Variants in TTC7B observed in about 807,000 individuals in gnomAD.
TTC7B encodes tetratricopeptide repeat domain 7B, also known as tetratricopeptide repeat protein 7B.
In TTC7B, 28 loss-of-function variants were observed where a neutral mutation model predicts 106.8. The ratio of observed to expected loss-of-function variants is 0.26; its 90% CI spans 0.19 to 0.36. TTC7B has a LOEUF of 0.36. TTC7B is among the 10% of genes least tolerant of loss of function. TTC7B has a pLI of 1.00. For missense variants in TTC7B, 862 were observed against 1,076.4 expected (o/e 0.80, Z 2.79); for synonymous variants, 405 against 430.6 (o/e 0.94, Z 0.74).
intron 3 of TTC7B, among the ~76,000 whole-genome samples, chr14:90,771,994 AAT>A (rs968159465): frequency 8.9e-5 from 13 of 146,178 alleles, no homozygotes; most frequent in South Asian, 4.2e-4. Context: ...ATATATTTAT[AAT>A]ATATATATTA....
rs920775336 is a variant in TTC7B at position 90,663,711 on chromosome 14, T to G, written c.1153-5324A>C. On this transcript the variant is annotated intron_variant, in intron 9 of 19. Coordinates refer to ENST00000328459, the MANE Select transcript of TTC7B (RefSeq NM_001010854.2). The surrounding 1 kb of genome is among the most constrained non-coding windows in gnomAD (Gnocchi z 4.5). The stretch of plus-strand genomic sequence containing the variant: ...TTTCTCATAATGATAACAACCCACC[T>G]CCCCTAACAAGCCATGAGGGTGTCC... 2.0e-5 allele frequency among the ~76,000 whole-genome samples: 3 copies of G among 151,896 alleles called. No homozygotes were observed. The highest frequency in any genetic ancestry group is 7.3e-5 in the African/African-American group (3 of 41,310).
At chr14:90,733,465 G>C (rs1427752001) in intron 4 of TTC7B, among the ~76,000 whole-genome samples, 2 of 152,238 alleles carry the variant, frequency 1.3e-5, no homozygotes, top group Admixed American at 1.3e-4. Context: ...AAAGACGCAA[G>C]AGAAGCCTTG....
chr14:90,652,911 T>C lies in TTC7B; in HGVS notation c.1460-13A>G, dbSNP rs770679531. 6.2e-7 allele frequency: 1 copy of C among 1,613,948 alleles called. No individual in the cohort carries two copies. The highest frequency in any genetic ancestry group is 8.5e-7 in the Non-Finnish European group (1 of 1,179,950). On this transcript the variant is annotated splice_polypyrimidine_tract_variant and intron_variant, in intron 12 of 19. Coordinates refer to ENST00000328459, the MANE Select transcript of TTC7B (RefSeq NM_001010854.2). ...CCTCGCAAAGAAGCTAAGAAAAGGG[T>C]TCAATTAGTCAGTGGCATGGGGGAT...
At chr14:90,806,984 C>T (rs569757480) in intron 1 of TTC7B, among the ~76,000 whole-genome samples, 5 of 152,234 alleles carry the variant, frequency 3.3e-5, no homozygotes, top group South Asian at 4.1e-4. Flanking sequence ...GTGACAGAAC[C>T]GAGATCTGAA....
rs150870455 is a variant in TTC7B, at chr14:90,657,736, C to T, written c.1237-458G>A. The T allele has an allele frequency of 7.6e-3, 1,401 of 183,710 alleles. 47 individuals are homozygous for T. Among genetic ancestry groups the T allele is most frequent in the Admixed American group, 0.068 (1,259 of 18,578 alleles). 11.4% of individuals were successfully genotyped at this position (183,710 alleles called of 1,614,324 possible). On this transcript the variant is annotated intron_variant, in intron 10 of 19. Coordinates refer to ENST00000328459, the MANE Select transcript of TTC7B (RefSeq NM_001010854.2). The surrounding 1 kb of genome is among the most constrained non-coding windows in gnomAD (Gnocchi z 4.2). Reference sequence around the variant, plus strand: ...TGTTGAGTGTATACACAGCAAGGAGCGTGCCTCTAAACACCTCTGGTGTAG... The same window carrying T: ...TGTTGAGTGTATACACAGCAAGGAGTGTGCCTCTAAACACCTCTGGTGTAG...
In TTC7B at chr14:90,612,727, T is replaced by C. The variant is rs78506432; in HGVS notation, c.1869-1888A>G. Reference sequence around the variant, plus strand: ...TGAGGATGACATAAGGTCACATAGATGGAGCACTCTGAAGACTTACAACTT... The same window carrying C: ...TGAGGATGACATAAGGTCACATAGACGGAGCACTCTGAAGACTTACAACTT... On this transcript the variant is annotated intron_variant, in intron 16 of 19. Coordinates refer to ENST00000328459, the MANE Select transcript of TTC7B (RefSeq NM_001010854.2). 9.2e-5 allele frequency among the ~76,000 whole-genome samples: 14 copies of C among 152,322 alleles called. No homozygotes were observed. In the East Asian group the frequency reaches 1.7e-3, roughly 19 times the overall value.
rs1314945193 is a variant in TTC7B at position 90,538,019 on chromosome 14, G to A, written c.*3349C>T. The stretch of plus-strand genomic sequence containing the variant: ...TAAGACCAGGGAACAGGAACGCCTT[G>A]CCTAAGTTAGGGTCAGCACTAGTCC... On this transcript the variant is annotated 3_prime_UTR_variant, in exon 20 of 20. Coordinates refer to ENST00000328459, the MANE Select transcript of TTC7B (RefSeq NM_001010854.2). The A allele has an allele frequency of 2.6e-5, 4 of 152,222 alleles. No individual in the cohort carries two copies. The highest frequency in any genetic ancestry group is 5.9e-5 in the Non-Finnish European group (4 of 68,046). The allele number at this position is 152,222 out of a possible 1,614,324, so 9.4% of individuals were successfully genotyped here.
At chr14:90,681,689 T>A (rs964671399) in intron 7 of TTC7B, among the ~76,000 whole-genome samples, 1 of 152,180 alleles carries the variant, frequency 6.6e-6, no homozygotes, top group Non-Finnish European at 1.5e-5. Context: ...GGCTAAAATT[T>A]TATGAAAAGG....
At chr14:90,809,514 C>T (rs576589844) in intron 1 of TTC7B, among the ~76,000 whole-genome samples, 1 of 152,348 alleles carries the variant, frequency 6.6e-6, no homozygotes, top group South Asian at 2.1e-4. Flanking sequence ...GGATTGACAA[C>T]CAGGGAACCT....
rs78636619 is a variant in TTC7B, at chr14:90,670,531, A to T, written c.1152+5992T>A. On this transcript the variant is annotated intron_variant, in intron 9 of 19. Transcript: ENST00000328459. The stretch of plus-strand genomic sequence containing the variant: ...AAAAAAAAATTTTAAACAAAGAACT[A>T]AAACAAAACCATGAGGTATATACCT... Among the ~76,000 whole-genome samples the T allele has an allele frequency of 4.6e-3, 696 of 152,298 alleles. 18 individuals carry two copies. The East Asian group carries it at 0.056, about 12-fold the overall frequency.
chr14:90,733,029 T>A (rs1431726599), intron 4 of TTC7B, among the ~76,000 whole-genome samples: 1 of 152,160 alleles, frequency 6.6e-6, no homozygotes, highest in African/African-American at 2.4e-5. Flanking sequence ...TGCTACAAAT[T>A]CCACAAAGTC....
intron 1 of TTC7B, among the ~76,000 whole-genome samples, chr14:90,792,512 G>A (rs900870216): frequency 2.6e-5 from 4 of 152,126 alleles, no homozygotes; most frequent in Non-Finnish European, 5.9e-5. Flanking sequence ...GGGAAGCAGA[G>A]GTTGCAGTGA....
chr14:90,593,519 A>G lies in TTC7B; in HGVS notation c.2074T>C (p.Trp692Arg). 2.5e-6 allele frequency: 4 copies of G among 1,609,588 alleles called. No individual in the cohort carries two copies. Among genetic ancestry groups the G allele is most frequent in the Non-Finnish European group, 2.5e-6 (3 of 1,177,278 alleles). The stretch of plus-strand genomic sequence containing the variant: ...AGCCAGATCTGTGCCAGCGTCATCC[A>G]GGGGTGCAGCGGGCCCTGCTTAGGG... ...SAPKQGPLHP[W>R]MTLAQIWLHA... The change falls in exon 18 of 20, where the codon TGG (tryptophan) becomes CGG (arginine). Residue 692 changes from tryptophan to arginine, a missense_variant. By Grantham distance (101) the Trp-to-Arg change is moderately radical. Transcript: ENST00000328459.
At chr14:90,661,416 TGGCGGGAGA>T (rs1886200410) in intron 9 of TTC7B, among the ~76,000 whole-genome samples, 1 of 151,890 alleles carries the variant, frequency 6.6e-6, no homozygotes, top group Admixed American at 6.6e-5. Context: ...CAAGACAGGG[TGGCGGGAGA>T]GACGTAACCC....
intron 3 of TTC7B, among the ~76,000 whole-genome samples, chr14:90,773,443 G>A (rs985515922): frequency 6.6e-6 from 1 of 152,100 alleles, no homozygotes; most frequent in African/African-American, 2.4e-5. Flanking sequence ...GAGTCCACAG[G>A]CCTTGCTTTG....
At chr14:90,721,488 T>C (rs905773607) in intron 5 of TTC7B, among the ~76,000 whole-genome samples, 3 of 152,182 alleles carry the variant, frequency 2.0e-5, no homozygotes, top group African/African-American at 7.2e-5. Flanking sequence ...GGGCTGATGC[T>C]TTTTATTCAT....
rs2030559176 is a variant in TTC7B, at chr14:90,805,609, G to T, written c.121+10566C>A. On this transcript the variant is annotated intron_variant, in intron 1 of 19. Coordinates refer to ENST00000328459, the MANE Select transcript of TTC7B (RefSeq NM_001010854.2). The surrounding 1 kb of genome is among the most constrained non-coding windows in gnomAD (Gnocchi z 4.0). The stretch of plus-strand genomic sequence containing the variant: ...GCAAGGTTGGAACAGGGGTAAGGAG[G>T]GATTCAAGGGTACCCAGAGCTGGCT... Among the ~76,000 whole-genome samples the T allele has an allele frequency of 6.6e-6, 1 of 152,144 alleles. No homozygotes were observed. The highest frequency in any genetic ancestry group is 1.5e-5 in the Non-Finnish European group (1 of 68,028).
At chr14:90,687,704 T>C (rs1341982845) in intron 7 of TTC7B, among the ~76,000 whole-genome samples, 1 of 152,210 alleles carries the variant, frequency 6.6e-6, no homozygotes, top group Non-Finnish European at 1.5e-5. Flanking sequence ...CTAGAACAGA[T>C]GTTCTATGAA....
At chr14:90,804,345 GAAAAGA>G (rs2030473060) in intron 1 of TTC7B, among the ~76,000 whole-genome samples, 1 of 149,654 alleles carries the variant, frequency 6.7e-6, no homozygotes, top group Non-Finnish European at 1.5e-5. Context: ...AAAAAAAAAA[GAAAAGA>G]AAAGAAAAGA....
Sources: gnomAD v4.1 joint callset for allele counts (sites outside exome capture counted in the v4.1 genomes callset) on GRCh38, gnomAD v4.1.1 for gene constraint, Gnocchi (gnomAD v3.1) non-coding constraint, MANE v1.5 for transcripts, NCBI Gene and HGNC (gene_info 2026-07-23, HGNC 2026-07-21) for gene names.